The following JAKMIP1 variants were observed in gnomAD, a reference collection of about 807,000 sequenced individuals.
JAKMIP1 encodes the protein janus kinase and microtubule-interacting protein 1.
JAKMIP1 carries 33 observed loss-of-function variants against 113.0 expected under a neutral mutation model. The observed-to-expected ratio is 0.29, with a 90% CI of 0.22 to 0.39. The LOEUF is 0.39. JAKMIP1 is among the 10% of genes least tolerant of loss of function. JAKMIP1 has a pLI of 1.00. For missense variants in JAKMIP1, 813 were observed against 1,080.5 expected (o/e 0.75, Z 3.47); for synonymous variants, 480 against 459.9 (o/e 1.04, Z -0.56).
At chr4:6,196,676 T>C (rs577191731) in intron 1 of JAKMIP1, among the ~76,000 whole-genome samples, 3 of 152,068 alleles carry the variant, frequency 2.0e-5, no homozygotes, top group African/African-American at 4.8e-5. Context: ...CTGGTTAACA[T>C]GGTGAAACCC....
At chr4:6,084,233 C>G (rs578096270) in intron 5 of JAKMIP1, among the ~76,000 whole-genome samples, 1 of 151,492 alleles carries the variant, frequency 6.6e-6, no homozygotes, top group African/African-American at 2.4e-5. Context: ...AGGAGAATCG[C>G]TTGAACCCGG....
chr4:6,126,536 AACACAC>A (rs752202709), intron 1 of JAKMIP1, among the ~76,000 whole-genome samples: 1 of 137,134 alleles, frequency 7.3e-6, no homozygotes, highest in Admixed American at 7.3e-5. Flanking sequence ...ACCATACAGA[AACACAC>A]ACACACAAAC....
rs758342265 is a variant in JAKMIP1, at chr4:6,105,530, C to A, written c.567G>T (p.Ala189=). The change falls in exon 3 of 21, where the codon GCG becomes GCT. Residue 189 remains alanine (A), a synonymous_variant. Transcript: ENST00000409021. The part of the protein sequence containing the change: ...KAADLRAAYQ[A]HQDEVHRIKR... ...TGATGCGGTGCACCTCGTCTTGGTG[C>A]GCCTGGTAGGCGGCACGCAGGTCGG... 3.7e-6 allele frequency: 6 copies of A among 1,608,104 alleles called. No individual in the cohort carries two copies. The African/African-American group carries it at 6.7e-5, about 18-fold the overall frequency.
rs1715621759 is a variant in JAKMIP1 at position 6,051,227 on chromosome 4, T to G, written c.1807-548A>C. Among the ~76,000 whole-genome samples, 1 of 149,932 alleles carries G rather than the reference T, an allele frequency of 6.7e-6. No individual in the cohort carries two copies. Among genetic ancestry groups the G allele is most frequent in the Non-Finnish European group, 1.5e-5 (1 of 67,362 alleles). On this transcript the variant is annotated intron_variant, in intron 13 of 20. Transcript: ENST00000409021. The surrounding 1 kb of genome is among the most constrained non-coding windows in gnomAD (Gnocchi z 5.0). ...GACTTTCTTTCTTTTTCTTTCCTTTTTTTTTTTTTTTTGAGAGGGTGTTCT... is the reference window on the plus strand; with the variant it reads ...GACTTTCTTTCTTTTTCTTTCCTTTGTTTTTTTTTTTTGAGAGGGTGTTCT...
intron 1 of JAKMIP1, among the ~76,000 whole-genome samples, chr4:6,163,871 G>T (rs1323829652): frequency 6.6e-6 from 1 of 152,250 alleles, no homozygotes; most frequent in Non-Finnish European, 1.5e-5. Context: ...CTAATTCAGA[G>T]CAAGGCCCTA....
At position 6,081,171 on chromosome 4, in the gene JAKMIP1, G is replaced by C. The variant is rs769245091; in HGVS notation, c.1101+438C>G. 6.6e-6 allele frequency among the ~76,000 whole-genome samples: 1 copy of C among 152,172 alleles called. No individual in the cohort carries two copies. Among genetic ancestry groups the C allele is most frequent in the Non-Finnish European group, 1.5e-5 (1 of 68,044 alleles). ...ACGCCTGCCCTGACCACAAACACCA[G>C]GCATCCTAGCTGGAGGAGAAACCCC... On this transcript the variant is annotated intron_variant, in intron 6 of 20. Coordinates refer to ENST00000409021, the MANE Select transcript of JAKMIP1 (RefSeq NM_001099433.2). This position sits in a 1 kb window ranked among gnomAD's most constrained non-coding sequence, Gnocchi z 4.6.
intron 1 of JAKMIP1, among the ~76,000 whole-genome samples, chr4:6,126,541 A>G (rs1056423145): frequency 4.6e-5 from 7 of 150,974 alleles, no homozygotes; most frequent in Non-Finnish European, 7.4e-5. Context: ...ACAGAAACAC[A>G]CACACACAAA....
At position 6,062,412 on chromosome 4, in the gene JAKMIP1, C is replaced by T. The variant is rs1717427430; in HGVS notation, c.1460G>A (p.Arg487His). 6.8e-6 allele frequency: 11 copies of T among 1,613,618 alleles called. No individual in the cohort carries two copies. Among genetic ancestry groups the T allele is most frequent in the South Asian group, 1.1e-5 (1 of 91,082 alleles). Residue 487 changes from arginine to histidine, a missense_variant, in exon 10 of 21, where the codon CGC becomes CAC. Coordinates refer to ENST00000409021, the MANE Select transcript of JAKMIP1 (RefSeq NM_001099433.2). ...DATAREEADL[R>H]FCQLTREYQA... ...GTACTCCCGGGTCAGCTGGCAGAAGCGCAGGTCAGCCTCCTCTCGGGCTGT... is the reference window on the plus strand; with the variant it reads ...GTACTCCCGGGTCAGCTGGCAGAAGTGCAGGTCAGCCTCCTCTCGGGCTGT...
At position 6,064,070 on chromosome 4, in the gene JAKMIP1, C is replaced by T. The variant is rs1717699743; in HGVS notation, c.1431+810G>A. On this transcript the variant is annotated intron_variant, in intron 9 of 20. Coordinates refer to ENST00000409021, the MANE Select transcript of JAKMIP1 (RefSeq NM_001099433.2). This position sits in a 1 kb window ranked among gnomAD's most constrained non-coding sequence, Gnocchi z 4.3. ...CTCAGAAAAAGCCACCAGGGGCCTG[C>T]ATGGGAAGAGGCAGAAGAGCAAGGT... is the stretch of plus-strand genomic sequence containing the variant. Among the ~76,000 whole-genome samples, 4 of 152,242 alleles carry T rather than the reference C, an allele frequency of 2.6e-5. No homozygotes were observed. The highest frequency in any genetic ancestry group is 2.6e-4 in the Admixed American group (4 of 15,290).
Position 6,140,054 on chromosome 4 carries a change from A to G in JAKMIP1, c.-147-27057T>C, listed in dbSNP as rs148741947. Among the ~76,000 whole-genome samples, 18 of 152,218 alleles carry G rather than the reference A, an allele frequency of 1.2e-4. No homozygotes were observed. The East Asian group carries it at 3.3e-3, about 28-fold the overall frequency. ...CCGTTTGTCTTGTGTATTCCATGGT[A>G]CAGCGGCCCTAGGAAACGAATATAT... On this transcript the variant is annotated intron_variant, in intron 1 of 20. Coordinates refer to ENST00000409021, the MANE Select transcript of JAKMIP1 (RefSeq NM_001099433.2). The surrounding 1 kb of genome is among the most constrained non-coding windows in gnomAD (Gnocchi z 9.4).
intron 7 of JAKMIP1, 131 bp from the exon 8 acceptor site, chr4:6,079,129 A>G: frequency 2.4e-6 from 2 of 819,798 alleles, no homozygotes; most frequent in South Asian, 3.0e-5. Context: ...TAAGTGCCCA[A>G]GTGATGGCTG....
rs116779385 is a variant in JAKMIP1, at chr4:6,045,577, G to T, written c.2028+3280C>A. Among the ~76,000 whole-genome samples, 402 of 152,322 alleles carry T rather than the reference G, an allele frequency of 2.6e-3. 3 individuals are homozygous for T. Among genetic ancestry groups the T allele is most frequent in the African/African-American group, 9.4e-3 (391 of 41,578 alleles). On this transcript the variant is annotated intron_variant, in intron 16 of 20. Coordinates refer to ENST00000409021, the MANE Select transcript of JAKMIP1 (RefSeq NM_001099433.2). ...AGGTTGCACTTCACCTACACACTAA[G>T]AAACTGGCTTCGAGGCTGGGTGAGG... is the stretch of plus-strand genomic sequence containing the variant.
At position 6,040,700 on chromosome 4, in the gene JAKMIP1, T is replaced by A; in HGVS notation, c.2114A>T (p.Gln705Leu). The change falls in exon 18 of 21, where the codon CAG becomes CTG. Residue 705 changes from glutamine to leucine, a missense_variant. Physicochemically the swap from Gln to Leu is moderately radical, Grantham distance 113. Transcript: ENST00000409021. The surrounding 1 kb of genome is among the most constrained non-coding windows in gnomAD (Gnocchi z 5.8). ...LEKEKDLFSRQKGYLEEELDY... is the reference protein window; with the variant it reads ...LEKEKDLFSRLKGYLEEELDY... ...GAGCTCCTCTTCCAGGTAGCCCTTC[T>A]GCCTGCTGAACAGGTCCTGAGAAAG... 1 of 1,613,490 alleles carries A rather than the reference T, an allele frequency of 6.2e-7. No homozygotes were observed. The highest frequency in any genetic ancestry group is 8.5e-7 in the Non-Finnish European group (1 of 1,179,696).
intron 20 of JAKMIP1, among the ~76,000 whole-genome samples, chr4:6,029,403 G>A (rs189299042): frequency 1.2e-4 from 18 of 152,290 alleles, no homozygotes; most frequent in African/African-American, 3.1e-4. Flanking sequence ...TGACCTCATC[G>A]GGCTAATGTG....
chr4:6,027,807 G>C (rs1329367556), intron 20 of JAKMIP1, among the ~76,000 whole-genome samples: 1 of 151,960 alleles, frequency 6.6e-6, no homozygotes, highest in Non-Finnish European at 1.5e-5. Context: ...TTAAGTGTGC[G>C]CTCATTCCAC....
intron 19 of JAKMIP1, among the ~76,000 whole-genome samples, chr4:6,030,587 C>G (rs1403444310): frequency 6.6e-6 from 1 of 152,194 alleles, no homozygotes; most frequent in African/African-American, 2.4e-5. Context: ...CATCAAGGGC[C>G]CCACCAAGGT....
At chr4:6,060,836 A>T (rs756101892) in intron 10 of JAKMIP1, among the ~76,000 whole-genome samples, 46 of 152,258 alleles carry the variant, frequency 3.0e-4, no homozygotes, top group Non-Finnish European at 5.9e-4. Flanking sequence ...CTGGGGGCCC[A>T]GGCCCAGCTC....
At chr4:6,100,238 A>C (rs1177514795) in intron 3 of JAKMIP1, among the ~76,000 whole-genome samples, 1 of 152,158 alleles carries the variant, frequency 6.6e-6, no homozygotes, top group Admixed American at 6.5e-5. Context: ...ATTTACAGCT[A>C]ATCTCCATTC....
intron 3 of JAKMIP1, among the ~76,000 whole-genome samples, 181 bp from the exon 4 acceptor site, chr4:6,085,810 T>C (rs1377718109): frequency 6.6e-6 from 1 of 152,130 alleles, no homozygotes; most frequent in Non-Finnish European, 1.5e-5. Context: ...TTGTTCCCCG[T>C]CACTCCCACA....
Sources: gnomAD v4.1 joint callset for allele counts (sites outside exome capture counted in the v4.1 genomes callset) on GRCh38, gnomAD v4.1.1 for gene constraint, Gnocchi (gnomAD v3.1) non-coding constraint, MANE v1.5 for transcripts, NCBI Gene and HGNC (gene_info 2026-07-23, HGNC 2026-07-21) for gene names.